Variants in MAGI1 observed in about 807,000 individuals in gnomAD.
MAGI1 encodes the protein membrane associated guanylate kinase, WW and PDZ domain containing 1, also known as membrane-associated guanylate kinase, WW and PDZ domain-containing protein 1.
MAGI1 carries 58 observed loss-of-function variants against 139.9 expected under a neutral mutation model. That is an observed-to-expected ratio of 0.41 (90% confidence interval 0.34 to 0.52). The LOEUF is 0.52. MAGI1 is among the 20% of genes least tolerant of loss of function. MAGI1 has a pLI of 0.12. For synonymous variants in MAGI1, 812 were observed against 737.9 expected (o/e 1.10, Z -1.63); for missense variants, 1,874 against 1,901.6 (o/e 0.99, Z 0.27).
intron 1 of MAGI1, among the ~76,000 whole-genome samples, chr3:65,937,134 A>T (rs1042460477): frequency 1.3e-5 from 2 of 152,214 alleles, no homozygotes; most frequent in Admixed American, 1.3e-4. Context: ...CTCATCAGGG[A>T]AATAAACTAG....
chr3:65,434,375 G>A (rs1181891253), intron 10 of MAGI1, among the ~76,000 whole-genome samples: 1 of 152,146 alleles, frequency 6.6e-6, no homozygotes, highest in Admixed American at 6.5e-5. Context: ...GATAGAGTGA[G>A]TGTGGTGGAG....
At chr3:65,751,602 G>T (rs2107826272) in intron 1 of MAGI1, among the ~76,000 whole-genome samples, 1 of 152,290 alleles carries the variant, frequency 6.6e-6, no homozygotes, top group African/African-American at 2.4e-5. Context: ...GAGGCCTTAG[G>T]AAAGAGAGAG....
intron 1 of MAGI1, among the ~76,000 whole-genome samples, chr3:65,931,022 T>C (rs2062782515): frequency 6.6e-6 from 1 of 151,504 alleles, no homozygotes; most frequent in Non-Finnish European, 1.5e-5. Context: ...GCTATTCTTT[T>C]ACTCCATTGC....
rs537617859 is a variant in MAGI1 at position 66,024,408 on chromosome 3, T to C, written c.313+13588A>G. Among the ~76,000 whole-genome samples the C allele has an allele frequency of 3.1e-3, 465 of 150,812 alleles. 1 individual carries two copies. The highest frequency in any genetic ancestry group is 5.2e-3 in the Non-Finnish European group (354 of 67,884). ...GAAACACCGGGCCAATGTTCCTACATGGCAGCAAGAGGCCAAAGCAGAATG... is the reference window on the plus strand; with the variant it reads ...GAAACACCGGGCCAATGTTCCTACACGGCAGCAAGAGGCCAAAGCAGAATG... On this transcript the variant is annotated intron_variant, in intron 1 of 22. Transcript: ENST00000402939.
chr3:65,391,379 G>A (rs754081896), intron 13 of MAGI1, 21 bp from the exon 14 acceptor site: 2 of 1,597,420 alleles, frequency 1.3e-6, no homozygotes, highest in Non-Finnish European at 1.7e-6. Flanking sequence ...GCAAGTGAGA[G>A]GGGCAAGAAG....
At position 65,430,103 on chromosome 3, in the gene MAGI1, C is replaced by T; in HGVS notation, c.1584G>A (p.Leu528=). ...VIVSVNDTCV[L]GHTHAQVVKI... Reference sequence around the variant, plus strand: ...TCACAACTTGAGCATGTGTGTGTCCCAAAACACAGGTGTCATTCACACTTA... The same window carrying T: ...TCACAACTTGAGCATGTGTGTGTCCTAAAACACAGGTGTCATTCACACTTA... Residue 528 remains leucine (L), a synonymous_variant, in exon 12 of 23, where the codon TTG becomes TTA. Coordinates refer to ENST00000402939, the MANE Select transcript of MAGI1 (RefSeq NM_001033057.2). The T allele has an allele frequency of 6.2e-7, 1 of 1,613,564 alleles. No homozygotes were observed. Among genetic ancestry groups the T allele is most frequent in the Non-Finnish European group, 8.5e-7 (1 of 1,179,758 alleles).
chr3:65,689,572 G>C (rs1015534684), intron 1 of MAGI1, among the ~76,000 whole-genome samples: 2 of 152,186 alleles, frequency 1.3e-5, no homozygotes, highest in South Asian at 2.1e-4. Flanking sequence ...CAAGGCAAAA[G>C]ACACATCATC....
chr3:65,930,847 G>C (rs574139484), intron 1 of MAGI1, among the ~76,000 whole-genome samples: 5 of 152,154 alleles, frequency 3.3e-5, no homozygotes, highest in Non-Finnish European at 5.9e-5. Flanking sequence ...ACGTCAGGAA[G>C]TTACCGTATA....
intron 3 of MAGI1, among the ~76,000 whole-genome samples, 185 bp downstream of exon 3, chr3:65,493,327 T>C (rs1337459939): frequency 1.3e-5 from 2 of 152,202 alleles, no homozygotes; most frequent in Admixed American, 6.5e-5. Flanking sequence ...AAAACTATTT[T>C]TAAAGAACTC....
intron 1 of MAGI1, among the ~76,000 whole-genome samples, chr3:65,969,231 A>G (rs189731690): frequency 1.1e-4 from 16 of 152,292 alleles, no homozygotes; most frequent in Admixed American, 6.5e-4. Context: ...CTTCTTCCAC[A>G]TGCCACAAAA....
At chr3:65,984,383 T>C (rs1411789763) in intron 1 of MAGI1, among the ~76,000 whole-genome samples, 1 of 152,192 alleles carries the variant, frequency 6.6e-6, no homozygotes, top group Non-Finnish European at 1.5e-5. Flanking sequence ...AAACACACCA[T>C]TTATTTATTA....
At chr3:66,007,375 G>C (rs572176461) in intron 1 of MAGI1, among the ~76,000 whole-genome samples, 1 of 152,268 alleles carries the variant, frequency 6.6e-6, no homozygotes, top group East Asian at 1.9e-4. Flanking sequence ...GTAAACAGAA[G>C]AATTAGGAAG....
rs1290147617 is a variant in MAGI1 at position 65,732,750 on chromosome 3, C to T, written c.314-110662G>A. 2.0e-5 allele frequency among the ~76,000 whole-genome samples: 3 copies of T among 152,186 alleles called. No homozygotes were observed. In the East Asian group the frequency reaches 5.8e-4, roughly 29 times the overall value. ...ATTAAGCAAAAGTTATGCATATCTT[C>T]CCTCATTCCCCAAGTCTGATCCACT... On this transcript the variant is annotated intron_variant, in intron 1 of 22. Transcript: ENST00000402939.
At chr3:65,408,694 C>T (rs1053680178) in intron 12 of MAGI1, among the ~76,000 whole-genome samples, 1 of 152,148 alleles carries the variant, frequency 6.6e-6, no homozygotes, top group South Asian at 2.1e-4. Context: ...AATATATAAG[C>T]CATGAAATAA....
chr3:65,582,958 T>A (rs986460725), intron 2 of MAGI1, among the ~76,000 whole-genome samples: 1 of 152,214 alleles, frequency 6.6e-6, no homozygotes, highest in Non-Finnish European at 1.5e-5. Flanking sequence ...TATATGATTT[T>A]AAGTTACGTA....
chr3:65,759,799 AT>A (rs1192142549), intron 1 of MAGI1, among the ~76,000 whole-genome samples: 1 of 152,166 alleles, frequency 6.6e-6, no homozygotes, highest in East Asian at 1.9e-4. Context: ...ATACCTCCTT[AT>A]TTAAAGAGGT....
At chr3:65,500,203 T>A (rs1321797408) in intron 2 of MAGI1, among the ~76,000 whole-genome samples, 1 of 152,182 alleles carries the variant, frequency 6.6e-6, no homozygotes, top group Non-Finnish European at 1.5e-5. Context: ...TTTTTCCACT[T>A]GATTTTATTT....
intron 1 of MAGI1, chr3:65,907,482 TACA>T (rs1280151593): frequency 1.8e-4 from 27 of 152,212 alleles, no homozygotes. Context: ...CCCTGGAACT[TACA>T]ACAACTCAGC....
At chr3:65,748,751 G>A (rs1246215399) in intron 1 of MAGI1, among the ~76,000 whole-genome samples, 1 of 152,192 alleles carries the variant, frequency 6.6e-6, no homozygotes, top group Non-Finnish European at 1.5e-5. Flanking sequence ...CCCCCAAAAA[G>A]AAGGACATGA....
Sources: allele counts gnomAD v4.1 joint callset (sites outside exome capture counted in the v4.1 genomes callset), GRCh38; gene constraint gnomAD v4.1.1; transcripts MANE v1.5; gene names NCBI Gene and HGNC (gene_info 2026-07-23, HGNC 2026-07-21).